Variants in WNK2 observed in about 807,000 individuals in gnomAD.
WNK2 encodes serine/threonine-protein kinase WNK2.
Under a neutral mutation model 192.1 loss-of-function variants are expected in WNK2, and 67 were observed. The ratio of observed to expected loss-of-function variants is 0.35; its 90% CI spans 0.29 to 0.43. WNK2 has a LOEUF of 0.43. Ranked by LOEUF, WNK2 falls within the 20% of genes least tolerant of loss-of-function variation. The probability of loss-of-function intolerance (pLI) is 1.00; values close to 1 mark genes in which losing one functional copy is unlikely to be tolerated. For missense variants in WNK2, 2,698 were observed against 3,089.7 expected (o/e 0.87, Z 3.01); for synonymous variants, 1,439 against 1,393.9 (o/e 1.03, Z -0.72).
intron 2 of WNK2, among the ~76,000 whole-genome samples, chr9:93,217,829 G>C (rs1164776665): frequency 6.6e-6 from 1 of 152,222 alleles, no homozygotes. Context: ...GGCCTTCAAG[G>C]TCATCTTAGC....
At chr9:93,202,153 A>C (rs1832490041) in intron 2 of WNK2, among the ~76,000 whole-genome samples, 2 of 152,154 alleles carry the variant, frequency 1.3e-5, no homozygotes, top group African/African-American at 4.8e-5. Flanking sequence ...GACCCTGACC[A>C]TACAAGATGG....
rs1251017209 is a variant in WNK2, at chr9:93,289,286, C to T, written c.4532C>T (p.Thr1511Ile). The T allele has an allele frequency of 6.3e-7, 1 of 1,599,114 alleles. No homozygotes were observed. The highest frequency in any genetic ancestry group is 8.5e-7 in the Non-Finnish European group (1 of 1,174,076). ...PAAVGAVSLA[T>I]SQLPSPPLGP... is the part of the protein sequence containing the mutation. ...GCAGTGGGGGCCGTCAGCCTGGCCA[C>T]CTCCCAGCTCCCAAGCCCACCCCTG... The change falls in exon 20 of 30, where the codon ACC becomes ATC. Residue 1511 changes from threonine to isoleucine, a missense_variant. This residue lies in a region of WNK2 where 1,098 missense variants were observed against 1,101.0 expected (regional missense o/e 1.00). Transcript: ENST00000427277.
intron 6 of WNK2, 84 bp downstream of exon 6, chr9:93,238,405 G>T: frequency 7.4e-7 from 1 of 1,346,752 alleles, no homozygotes; most frequent in South Asian, 1.2e-5. Context: ...TGTTCTTGAT[G>T]AGGGGACTTC....
At chr9:93,241,255 A>C (rs1207213436) in intron 7 of WNK2, among the ~76,000 whole-genome samples, 1 of 152,264 alleles carries the variant, frequency 6.6e-6, no homozygotes, top group Non-Finnish European at 1.5e-5. Context: ...GCACCGGAAC[A>C]GGTGAAAACA....
chr9:93,247,420 G>A lies in WNK2; in HGVS notation c.1543-123G>A. On this transcript the variant is annotated intron_variant, in intron 7 of 29. Coordinates refer to ENST00000427277, the MANE Select transcript of WNK2 (RefSeq NM_006648.4). This position sits in a 1 kb window ranked among gnomAD's most constrained non-coding sequence, Gnocchi z 5.2. Reference sequence around the variant, plus strand: ...TGTCCCCGCGGATTTTACATTCAGTGGCAGTGGGATGGCGAGCGTGTCCTG... The same window carrying A: ...TGTCCCCGCGGATTTTACATTCAGTAGCAGTGGGATGGCGAGCGTGTCCTG... 8.7e-7 allele frequency: 1 copy of A among 1,155,324 alleles called. No individual in the cohort carries two copies. Among genetic ancestry groups the A allele is most frequent in the African/African-American group, 1.5e-5 (1 of 65,318 alleles). The allele number at this position is 1,155,324 out of a possible 1,614,324, so 71.6% of individuals were successfully genotyped here.
chr9:93,309,618 C>T (rs369296816), intron 28 of WNK2, among the ~76,000 whole-genome samples: 2 of 152,196 alleles, frequency 1.3e-5, no homozygotes, highest in Non-Finnish European at 2.9e-5. Flanking sequence ...GCCTCTCCTT[C>T]GCTCTTTCTC....
chr9:93,230,602 A>G (rs1838611015), intron 3 of WNK2, among the ~76,000 whole-genome samples: 1 of 152,136 alleles, frequency 6.6e-6, no homozygotes. Context: ...GCCTGGCACC[A>G]TCTCCCAGTG....
At chr9:93,219,472 C>T (rs1836405595) in intron 2 of WNK2, among the ~76,000 whole-genome samples, 1 of 152,256 alleles carries the variant, frequency 6.6e-6, no homozygotes, top group Non-Finnish European at 1.5e-5. Context: ...TCCCTTTCCC[C>T]TCAGAGACCC....
intron 25 of WNK2, 94 bp from the exon 26 acceptor site, chr9:93,299,957 G>A (rs1022041620): frequency 7.0e-6 from 7 of 998,342 alleles, no homozygotes; most frequent in African/African-American, 3.2e-5. Flanking sequence ...GTTAAGTGAC[G>A]AGGCTGGTGT....
intron 4 of WNK2, among the ~76,000 whole-genome samples, chr9:93,233,218 T>C (rs1588076170): frequency 7.2e-6 from 1 of 138,870 alleles, no homozygotes; most frequent in Admixed American, 7.1e-5. Flanking sequence ...AAAAAAAAAA[T>C]TGCTAGTGCA....
chr9:93,314,893 G>T (rs77940905), intron 28 of WNK2, among the ~76,000 whole-genome samples: 5 of 152,102 alleles, frequency 3.3e-5, no homozygotes, highest in Admixed American at 1.3e-4. Context: ...GCTTTCCCGG[G>T]GGGGGTTTTG....
At chr9:93,308,123 C>T (rs1194788163) in intron 27 of WNK2, 1 of 1,095,764 alleles carries the variant, frequency 9.1e-7, no homozygotes, top group Non-Finnish European at 1.3e-6. Context: ...GTGATGGCCA[C>T]CTGGCACAGC....
intron 8 of WNK2, among the ~76,000 whole-genome samples, chr9:93,250,490 G>C (rs1005509767): frequency 6.6e-6 from 1 of 152,198 alleles, no homozygotes; most frequent in Non-Finnish European, 1.5e-5. Context: ...TCTGCACCTT[G>C]CTCTGGGATA....
intron 6 of WNK2, among the ~76,000 whole-genome samples, 189 bp downstream of exon 6, chr9:93,238,510 G>T (rs756296720): frequency 2.6e-5 from 4 of 152,234 alleles, no homozygotes; most frequent in Non-Finnish European, 5.9e-5. Flanking sequence ...ACCAGGCCAG[G>T]AGGCCAGGCC....
intron 24 of WNK2, among the ~76,000 whole-genome samples, chr9:93,298,470 G>T (rs892187816): frequency 3.9e-5 from 6 of 152,168 alleles, no homozygotes; most frequent in Non-Finnish European, 5.9e-5. Flanking sequence ...GGGGGAGGAC[G>T]GGAGGACGGT....
At chr9:93,221,090 C>T (rs748759593) in intron 2 of WNK2, among the ~76,000 whole-genome samples, 11 of 152,102 alleles carry the variant, frequency 7.2e-5, no homozygotes, top group African/African-American at 9.7e-5. Context: ...GCCCTGTGAC[C>T]GGAGCCCTGC....
chr9:93,197,612 C>G (rs1483023580), intron 2 of WNK2, among the ~76,000 whole-genome samples: 1 of 152,084 alleles, frequency 6.6e-6, no homozygotes, highest in East Asian at 1.9e-4. Context: ...CTGGAACCCT[C>G]TTGGGTTCAA....
At position 93,259,332 on chromosome 9, in the gene WNK2, C is replaced by T. The variant is rs1228238071; in HGVS notation, c.2784C>T (p.Pro928=). 1 of 1,613,560 alleles carries T rather than the reference C, an allele frequency of 6.2e-7. No homozygotes were observed. Among genetic ancestry groups the T allele is most frequent in the Admixed American group, 1.7e-5 (1 of 59,988 alleles). Reference sequence around the variant, plus strand: ...CGCCTACTGACGTCCCTCCTTCCCCCCATCACACGGTGCAGAATATGAGGG... The same window carrying T: ...CGCCTACTGACGTCCCTCCTTCCCCTCATCACACGGTGCAGAATATGAGGG... ...QMAPTDVPPS[P]HHTVQNMRAT... The change falls in exon 12 of 30, where the codon CCC becomes CCT. Residue 928 remains proline (P), a synonymous_variant. Transcript: ENST00000427277. This position sits in a 1 kb window ranked among gnomAD's most constrained non-coding sequence, Gnocchi z 4.8.
chr9:93,289,898 G>A, intron 20 of WNK2, 80 bp from the exon 21 acceptor site: 1 of 1,387,766 alleles, frequency 7.2e-7, no homozygotes, highest in Non-Finnish European at 9.9e-7. Context: ...GAGATGAGGG[G>A]AGTGGATTTG....
Sources: gnomAD v4.1 joint callset for allele counts (sites outside exome capture counted in the v4.1 genomes callset) on GRCh38, gnomAD v4.1.1 for gene constraint, gnomAD v4.1.1 regional missense constraint, Gnocchi (gnomAD v3.1) non-coding constraint, MANE v1.5 for transcripts, NCBI Gene and HGNC (gene_info 2026-07-23, HGNC 2026-07-21) for gene names.